Variants in PAQR8 observed in about 807,000 individuals in gnomAD.
The protein encoded by PAQR8 is membrane progestin receptor beta.
A neutral mutation model predicts 25.2 loss-of-function variants in PAQR8; 17 were observed. The ratio of observed to expected loss-of-function variants is 0.67; its 90% CI spans 0.46 to 1.01. The LOEUF (loss-of-function observed/expected upper bound fraction) is 1.01. Ranked by LOEUF, PAQR8 falls within the 50% of genes least tolerant of loss-of-function variation. The probability of loss-of-function intolerance (pLI) is 0.00; values close to 1 mark genes in which losing one functional copy is unlikely to be tolerated. For synonymous variants in PAQR8, 204 were observed against 190.6 expected (o/e 1.07, Z -0.58); for missense variants, 392 against 448.4 (o/e 0.87, Z 1.14).
At position 52,403,520 on chromosome 6, in the gene PAQR8, C is replaced by A. The variant is rs1763865599; in HGVS notation, c.307C>A (p.Pro103Thr). 20 of 1,614,050 alleles carry A rather than the reference C, an allele frequency of 1.2e-5. No individual in the cohort carries two copies. The highest frequency in any genetic ancestry group is 1.6e-5 in the Non-Finnish European group (19 of 1,180,044). ...FWAFAEAEALPWASTHSLPLL... is the reference protein window; with the variant it reads ...FWAFAEAEALTWASTHSLPLL... ...GGCCTTTGCCGAGGCTGAGGCCTTG[C>A]CATGGGCGTCTACCCACTCCCTGCC... The change falls in exon 2 of 2, where the codon CCA becomes ACA. Residue 103 changes from proline to threonine, a missense_variant. Physicochemically the swap from Pro to Thr is conservative, Grantham distance 38 (BLOSUM62 -1). Transcript: ENST00000442253.
At chr6:52,371,192 G>A (rs1763415835) in intron 1 of PAQR8, among the ~76,000 whole-genome samples, 1 of 152,100 alleles carries the variant, frequency 6.6e-6, no homozygotes, top group Admixed American at 6.6e-5. Flanking sequence ...TAAGGGTAAG[G>A]TAAGGGTAAA....
At chr6:52,379,644 TGAGA>T (rs1763530488) in intron 1 of PAQR8, among the ~76,000 whole-genome samples, 1 of 147,218 alleles carries the variant, frequency 6.8e-6, no homozygotes, top group African/African-American at 2.5e-5. Flanking sequence ...TTTTTTTTTT[TGAGA>T]TGGAGTCTCG....
Position 52,403,712 on chromosome 6 carries a change from T to C in PAQR8, c.499T>C (p.Ser167Pro). 6.2e-7 allele frequency: 1 copy of C among 1,614,240 alleles called. No individual in the cohort carries two copies. Among genetic ancestry groups the C allele is most frequent in the Non-Finnish European group, 8.5e-7 (1 of 1,180,024 alleles). The change falls in exon 2 of 2, where the codon TCT becomes CCT. Residue 167 changes from serine to proline, a missense_variant. Transcript: ENST00000442253. ...GSALAHFFYSSDQAWYDRFWL... is the reference protein window; with the variant it reads ...GSALAHFFYSPDQAWYDRFWL... Reference sequence around the variant, plus strand: ...TGCTTTGGCTCATTTCTTCTACAGCTCTGACCAGGCCTGGTATGACCGGTT... The same window carrying C: ...TGCTTTGGCTCATTTCTTCTACAGCCCTGACCAGGCCTGGTATGACCGGTT...
chr6:52,371,501 A>G (rs899526629), intron 1 of PAQR8, among the ~76,000 whole-genome samples: 4 of 152,212 alleles, frequency 2.6e-5, no homozygotes, highest in African/African-American at 9.6e-5. Context: ...ACTGTTGACA[A>G]TAACACAGTG....
At position 52,406,627 on chromosome 6, in the gene PAQR8, A is replaced by G. The variant is rs866567222; in HGVS notation, c.*2349A>G. On this transcript the variant is annotated 3_prime_UTR_variant, in exon 2 of 2. Coordinates refer to ENST00000442253, the MANE Select transcript of PAQR8 (RefSeq NM_133367.5). The stretch of plus-strand genomic sequence containing the variant: ...GCCCAGGCTGGAGTGCAGTGATGCA[A>G]TCACGGCTCACTGCAGCCTCGACCT... 3.2e-5 allele frequency: 13 copies of G among 409,834 alleles called. No individual in the cohort carries two copies. The highest frequency in any genetic ancestry group is 6.2e-4 in the Middle Eastern group (1 of 1,612). 25.4% of individuals were successfully genotyped at this position (409,834 alleles called of 1,614,324 possible).
At chr6:52,384,270 A>G (rs181856071) in intron 1 of PAQR8, among the ~76,000 whole-genome samples, 6 of 152,338 alleles carry the variant, frequency 3.9e-5, no homozygotes, top group East Asian at 1.9e-4. Context: ...CTGAGGTTAA[A>G]AGGAATGCAT....
Position 52,403,811 on chromosome 6 carries a change from C to G in PAQR8, c.598C>G (p.Arg200Gly). 4 of 1,614,214 alleles carry G rather than the reference C, an allele frequency of 2.5e-6. No homozygotes were observed. Among genetic ancestry groups the G allele is most frequent in the Non-Finnish European group, 3.4e-6 (4 of 1,180,032 alleles). ...TGCTGGCTGTTGCTATGCCAAATATCGTTACCGGAGGCCTTATCCAGTCAT... is the reference window on the plus strand; with the variant it reads ...TGCTGGCTGTTGCTATGCCAAATATGGTTACCGGAGGCCTTATCCAGTCAT... ...SCAGCCYAKY[R>G]YRRPYPVMRK... The change falls in exon 2 of 2, where the codon CGT becomes GGT. Residue 200 changes from arginine (R) to glycine (G), a missense_variant. Physicochemically the swap from Arg to Gly is moderately radical, Grantham distance 125. Coordinates refer to ENST00000442253, the MANE Select transcript of PAQR8 (RefSeq NM_133367.5).
At position 52,407,700 on chromosome 6, in the gene PAQR8, A is replaced by T. The variant is rs1044602955; in HGVS notation, c.*3422A>T. On this transcript the variant is annotated 3_prime_UTR_variant, in exon 2 of 2. Coordinates refer to ENST00000442253, the MANE Select transcript of PAQR8 (RefSeq NM_133367.5). ...TGGCAAAAAAAAAAAAAAAAAAAAA[A>T]AAAAAAAAAATGGAGCTATTTTCTG... 1 of 155,624 alleles carries T rather than the reference A, an allele frequency of 6.4e-6. No homozygotes were observed. The highest frequency in any genetic ancestry group is 1.5e-5 in the Non-Finnish European group (1 of 67,028). 9.6% of individuals were successfully genotyped at this position (155,624 alleles called of 1,614,324 possible).
At chr6:52,379,847 T>C (rs1348767516) in intron 1 of PAQR8, among the ~76,000 whole-genome samples, 1 of 152,174 alleles carries the variant, frequency 6.6e-6, no homozygotes, top group Non-Finnish European at 1.5e-5. Context: ...CAGGATGGTC[T>C]CGATCTGCTG....
chr6:52,370,462 C>A (rs1470004897), intron 1 of PAQR8, among the ~76,000 whole-genome samples: 1 of 152,120 alleles, frequency 6.6e-6, no homozygotes, highest in African/African-American at 2.4e-5. Flanking sequence ...GCTTAAGGAG[C>A]CTAATACATT....
chr6:52,389,020 AT>A (rs1763665797), intron 1 of PAQR8, among the ~76,000 whole-genome samples: 1 of 152,178 alleles, frequency 6.6e-6, no homozygotes, highest in Non-Finnish European at 1.5e-5. Flanking sequence ...ATTTTACATT[AT>A]GTTTCTCTGC....
chr6:52,403,275 G>A lies in PAQR8; in HGVS notation c.62G>A (p.Arg21His), dbSNP rs772469249. 6.3e-5 allele frequency: 102 copies of A among 1,612,282 alleles called. No individual in the cohort carries two copies. The highest frequency in any genetic ancestry group is 8.1e-5 in the Non-Finnish European group (95 of 1,178,744). ...TLSVSGQQLR[R>H]LPKILEDGLP... ...TCGGTCAGCGGGCAGCAGCTGCGCC[G>A]CCTGCCCAAGATCCTGGAGGATGGG... Residue 21 changes from arginine (R) to histidine (H), a missense_variant, in exon 2 of 2, where the codon CGC (arginine) becomes CAC (histidine). Physicochemically the swap from Arg to His is conservative, Grantham distance 29. Coordinates refer to ENST00000442253, the MANE Select transcript of PAQR8 (RefSeq NM_133367.5).
At chr6:52,394,389 C>T (rs1206993843) in intron 1 of PAQR8, among the ~76,000 whole-genome samples, 1 of 152,170 alleles carries the variant, frequency 6.6e-6, no homozygotes, top group Non-Finnish European at 1.5e-5. Flanking sequence ...TAGGTAGTTT[C>T]CATCAGTCAG....
chr6:52,393,060 A>C (rs1026319277), intron 1 of PAQR8, among the ~76,000 whole-genome samples: 1 of 152,184 alleles, frequency 6.6e-6, no homozygotes, highest in African/African-American at 2.4e-5. Flanking sequence ...CATAGAGGGC[A>C]TTTTTTGAGG....
chr6:52,395,620 T>A (rs1385986883), intron 1 of PAQR8, among the ~76,000 whole-genome samples: 1 of 152,218 alleles, frequency 6.6e-6, no homozygotes, highest in Non-Finnish European at 1.5e-5. Flanking sequence ...TTTTTGATTT[T>A]AAAAAATTGC....
intron 1 of PAQR8, among the ~76,000 whole-genome samples, chr6:52,397,091 C>T (rs1389104231): frequency 1.3e-5 from 2 of 152,040 alleles, no homozygotes. Context: ...GTCACTTAAG[C>T]CAAGAGAGGA....
intron 1 of PAQR8, among the ~76,000 whole-genome samples, chr6:52,374,938 A>T (rs1490780069): frequency 6.7e-6 from 1 of 149,246 alleles, no homozygotes; most frequent in African/African-American, 2.4e-5. Flanking sequence ...TAATTAATAT[A>T]ATATTATATT....
At chr6:52,363,841 G>T (rs1763318730) in intron 1 of PAQR8, among the ~76,000 whole-genome samples, 1 of 151,706 alleles carries the variant, frequency 6.6e-6, no homozygotes, top group Admixed American at 6.6e-5. Flanking sequence ...GAGTATCCAA[G>T]TGTGTATCTA....
At chr6:52,383,975 C>CTG in intron 1 of PAQR8, among the ~76,000 whole-genome samples, 1 of 152,036 alleles carries the variant, frequency 6.6e-6, no homozygotes, top group African/African-American at 2.4e-5. Flanking sequence ...AGGTTATCAC[C>CTG]ATTAGTGTAA....
Sources: gnomAD v4.1 joint callset for allele counts (sites outside exome capture counted in the v4.1 genomes callset) on GRCh38, gnomAD v4.1.1 for gene constraint, MANE v1.5 for transcripts, NCBI Gene and HGNC (gene_info 2026-07-23, HGNC 2026-07-21) for gene names.